MTTP: variants seen among roughly 807,000 people sequenced by gnomAD.
MTTP encodes the protein microsomal triglyceride transfer protein large subunit.
A neutral mutation model predicts 90.6 loss-of-function variants in MTTP; 49 were observed. The observed-to-expected ratio is 0.54, with a 90% CI of 0.43 to 0.69. The LOEUF (loss-of-function observed/expected upper bound fraction) is 0.69, where lower values mean the gene tolerates loss of function less well. Among genes scored for constraint, MTTP ranks in the 30% least tolerant of loss-of-function variants. The pLI, the probability that MTTP is intolerant of heterozygous loss-of-function variation, is 0.00. For synonymous variants in MTTP, 347 were observed against 384.2 expected, an observed-to-expected ratio of 0.90 and a Z score of 1.13; for missense variants, 945 against 1,067.5, an observed-to-expected ratio of 0.89 and a Z score of 1.60.
intron 1 of MTTP, among the ~76,000 whole-genome samples, chr4:99,578,840 C>G (rs1035053729): frequency 1.3e-5 from 2 of 152,166 alleles, no homozygotes; most frequent in Admixed American, 1.3e-4. Flanking sequence ...TGCTGTCACA[C>G]AATGCTTACT....
intron 4 of MTTP, among the ~76,000 whole-genome samples, chr4:99,590,846 C>T (rs1578240605): frequency 6.7e-6 from 1 of 149,678 alleles, no homozygotes; most frequent in East Asian, 1.9e-4. Flanking sequence ...TACACACACA[C>T]ACACACACAC....
chr4:99,623,024 C>T lies in MTTP; in HGVS notation c.*176C>T. On this transcript the variant is annotated 3_prime_UTR_variant, in exon 18 of 18. Coordinates refer to ENST00000265517, the MANE Select transcript of MTTP (RefSeq NM_001386140.1). ...AAATTTGGGTATATGCAGTATGCTA[C>T]CCACAGCGTCATTTTGAATCATCAT... 1.5e-6 allele frequency: 1 copy of T among 665,866 alleles called. No homozygotes were observed. Among genetic ancestry groups the T allele is most frequent in the South Asian group, 1.7e-5 (1 of 57,582 alleles). 41.2% of individuals were successfully genotyped at this position (665,866 alleles called of 1,614,324 possible).
At chr4:99,575,701 G>GTATTAA (rs1724939657) in intron 1 of MTTP, among the ~76,000 whole-genome samples, 1 of 152,200 alleles carries the variant, frequency 6.6e-6, no homozygotes, top group African/African-American at 2.4e-5. Context: ...GTTGTGAAGT[G>GTATTAA]TATTAATATA....
chr4:99,600,559 TTA>T lies in MTTP; in HGVS notation c.1068-3_1068-2del. The T allele has an allele frequency of 6.2e-7, 1 of 1,613,342 alleles. No individual in the cohort carries two copies. Among genetic ancestry groups the T allele is most frequent in the African/African-American group, 1.3e-5 (1 of 75,008 alleles). On this transcript the variant is annotated splice_polypyrimidine_tract_variant and splice_region_variant and intron_variant, in intron 8 of 17. Coordinates refer to ENST00000265517, the MANE Select transcript of MTTP (RefSeq NM_001386140.1). ...TTGATATCCATGATTATGCCTTTTT[TTA>T]TAGACCTCAGCTGGTGGATGCTGTC... is the stretch of plus-strand genomic sequence containing the variant.
chr4:99,608,936 C>A lies in MTTP; in HGVS notation c.1728C>A (p.Leu576=). The change falls in exon 12 of 18, where the codon CTC becomes CTA. Residue 576 remains leucine (L), a synonymous_variant. Transcript: ENST00000265517. ...ELPQEMNKYM[L]AIVQDILRFE... The stretch of plus-strand genomic sequence containing the variant: ...CCCAAGAAATGAATAAATACATGCT[C>A]GCCATTGTTCAAGACATCCTACGTT... 2 of 1,614,080 alleles carry A rather than the reference C, an allele frequency of 1.2e-6. No homozygotes were observed. The highest frequency in any genetic ancestry group is 2.2e-5 in the South Asian group (2 of 91,058).
intron 3 of MTTP, chr4:99,583,822 A>G: frequency 3.7e-6 from 2 of 539,624 alleles, no homozygotes; most frequent in South Asian, 2.5e-5. Context: ...ATAAGGGATT[A>G]CAAACGTAAT....
intron 6 of MTTP, among the ~76,000 whole-genome samples, chr4:99,593,430 A>G (rs1239360157): frequency 1.3e-5 from 2 of 152,186 alleles, no homozygotes; most frequent in East Asian, 3.8e-4. Context: ...AAAGTTCCGT[A>G]GTGAAGAGAT....
At chr4:99,589,035 A>ATT (rs1560616492) in intron 3 of MTTP, among the ~76,000 whole-genome samples, 2 of 7,938 alleles carry the variant, frequency 2.5e-4, no homozygotes. Flanking sequence ...ATATATACAC[A>ATT]CATATATATG....
At chr4:99,622,502 A>T (rs1375341189) in intron 17 of MTTP, among the ~76,000 whole-genome samples, 175 bp from the exon 18 acceptor site, 1 of 152,210 alleles carries the variant, frequency 6.6e-6, no homozygotes. Context: ...GTTTCTGTTG[A>T]TATAAAAAGA....
At chr4:99,594,246 G>A (rs1055276506) in intron 6 of MTTP, among the ~76,000 whole-genome samples, 10 of 152,162 alleles carry the variant, frequency 6.6e-5, no homozygotes, top group Admixed American at 6.6e-5. Context: ...GGCAGTCACA[G>A]AGTCCTACCC....
intron 6 of MTTP, among the ~76,000 whole-genome samples, chr4:99,594,143 T>C (rs1578242823): frequency 6.6e-6 from 1 of 152,206 alleles, no homozygotes; most frequent in African/African-American, 2.4e-5. Context: ...GAAGCACATG[T>C]ACTGATAGTG....
At chr4:99,570,333 T>TA (rs1724813987), upstream of MTTP, among the ~76,000 whole-genome samples, 1 of 152,038 alleles carries the variant, frequency 6.6e-6, no homozygotes. Flanking sequence ...GACAACATTC[T>TA]AATGTCTCCT....
At chr4:99,603,242 C>G (rs533791490) in intron 10 of MTTP, among the ~76,000 whole-genome samples, 30 of 151,924 alleles carry the variant, frequency 2.0e-4, no homozygotes, top group Non-Finnish European at 3.5e-4. Context: ...AGTGGAGACA[C>G]AGGAAAGATG....
At position 99,589,635 on chromosome 4, in the gene MTTP, C is replaced by G. The variant is rs1331366930; in HGVS notation, c.394-8C>G. ...TTCATTTGTGTTCTGTTCCCCTCTCCCCACCAGGTCAAAGAGTTCTACTCA... is the reference window on the plus strand; with the variant it reads ...TTCATTTGTGTTCTGTTCCCCTCTCGCCACCAGGTCAAAGAGTTCTACTCA... On this transcript the variant is annotated splice_polypyrimidine_tract_variant and splice_region_variant and intron_variant, in intron 3 of 17. Coordinates refer to ENST00000265517, the MANE Select transcript of MTTP (RefSeq NM_001386140.1). The G allele has an allele frequency of 2.6e-6, 4 of 1,525,788 alleles. No individual in the cohort carries two copies. The highest frequency in any genetic ancestry group is 3.6e-6 in the Non-Finnish European group (4 of 1,100,842). The allele number at this position is 1,525,788 out of a possible 1,614,324, so 94.5% of individuals were successfully genotyped here.
intron 3 of MTTP, among the ~76,000 whole-genome samples, chr4:99,587,637 T>C (rs1483897451): frequency 1.3e-5 from 2 of 152,148 alleles, no homozygotes; most frequent in African/African-American, 4.8e-5. Flanking sequence ...GTGGTGACAA[T>C]ACTGGTATTT....
chr4:99,571,028 G>A (rs1724830015), upstream of MTTP, among the ~76,000 whole-genome samples: 1 of 151,858 alleles, frequency 6.6e-6, no homozygotes, highest in Non-Finnish European at 1.5e-5. Flanking sequence ...TGTTATGGTA[G>A]CTATGGAGAA....
chr4:99,581,221 T>C (rs776570700), intron 1 of MTTP, among the ~76,000 whole-genome samples: 1 of 152,242 alleles, frequency 6.6e-6, no homozygotes, highest in Non-Finnish European at 1.5e-5. Context: ...ATCAGTTTTC[T>C]TGGCTCACAG....
chr4:99,583,560 T>A (rs1451651581), intron 3 of MTTP, 43 bp downstream of exon 3: 1 of 1,610,708 alleles, frequency 6.2e-7, no homozygotes, highest in Non-Finnish European at 8.5e-7. Context: ...TCCAACTTCA[T>A]ATTTTTCTTC....
At chr4:99,607,526 T>C (rs1336380010) in intron 11 of MTTP, among the ~76,000 whole-genome samples, 6 of 152,202 alleles carry the variant, frequency 3.9e-5, no homozygotes, top group Admixed American at 3.9e-4. Context: ...TGTCCTTCCC[T>C]GGTTGTTTGT....
Sources: allele counts gnomAD v4.1 joint callset (sites outside exome capture counted in the v4.1 genomes callset), GRCh38; gene constraint gnomAD v4.1.1; transcripts MANE v1.5; gene names NCBI Gene and HGNC (gene_info 2026-07-23, HGNC 2026-07-21).